The following PTCHD1 variants were observed in gnomAD, a reference collection of about 807,000 sequenced individuals.
The protein encoded by PTCHD1 is patched domain containing 1.
PTCHD1 carries 3 observed loss-of-function variants against 34.6 expected under a neutral mutation model. The observed-to-expected ratio is 0.09, with a 90% CI of 0.04 to 0.22. The LOEUF is 0.22. Ranked by LOEUF, PTCHD1 falls within the 10% of genes least tolerant of loss-of-function variation. PTCHD1 has a pLI of 1.00. For missense variants in PTCHD1, 504 were observed against 685.5 expected (o/e 0.74, Z 2.96); for synonymous variants, 305 against 283.1 (o/e 1.08, Z -0.77).
In PTCHD1 at chrX:23,399,791, T is replaced by G. The variant is rs909134549; in HGVS notation, c.*5606T>G. The G allele has an allele frequency of 8.0e-5, 9 of 112,120 alleles. No individual in the cohort carries two copies. Among genetic ancestry groups the G allele is most frequent in the African/African-American group, 2.9e-4 (9 of 30,847 alleles). The allele number at this position is 112,120 out of a possible 1,213,427, so 9.2% of individuals were successfully genotyped here. A position where few individuals can be genotyped will look rare whatever the true frequency, so the allele number is the denominator to read the frequency against. The stretch of plus-strand genomic sequence containing the variant: ...AAAGGAGCCCTCTGTACTGTGCTCT[T>G]GTTGGCAAGAGGAACACCAGGTTGC... On this transcript the variant is annotated 3_prime_UTR_variant, in exon 3 of 3. Transcript: ENST00000379361.
chrX:23,344,760 T>G (rs1292195614), intron 1 of PTCHD1, among the ~76,000 whole-genome samples: 2 of 111,537 alleles, frequency 1.8e-5, no homozygotes, highest in Admixed American at 1.9e-4. Flanking sequence ...AAAAAAAGCC[T>G]TCACTTCCTG....
In PTCHD1 at chrX:23,394,409, GACAC is replaced by G. The variant is rs34539351; in HGVS notation, c.*263_*266del. ...TGTTATGAGAATTCACACACACATA[GACAC>G]ACACACACACACACACACACACACA... On this transcript the variant is annotated 3_prime_UTR_variant, in exon 3 of 3. Transcript: ENST00000379361. 8.1e-3 allele frequency: 1,607 copies of G among 197,803 alleles called. 5 individuals are homozygous for G. Among genetic ancestry groups the G allele is most frequent in the East Asian group, 0.016 (159 of 9,927 alleles). The allele number at this position is 197,803 out of a possible 1,213,427, so 16.3% of individuals were successfully genotyped here.
At position 23,351,282 on chromosome X, in the gene PTCHD1, C is replaced by G. The variant is rs61746643; in HGVS notation, c.351+16056C>G. 337 of 829,426 alleles carry G rather than the reference C, an allele frequency of 4.1e-4. No individual in the cohort carries two copies. In the African/African-American group the frequency reaches 5.7e-3, roughly 14 times the overall value. The allele number at this position is 829,426 out of a possible 1,213,427, so 68.4% of individuals were successfully genotyped here. On this transcript the variant is annotated intron_variant, in intron 1 of 2. Coordinates refer to ENST00000379361, the MANE Select transcript of PTCHD1 (RefSeq NM_173495.3). ...CCTCAGTTGACTCATTCACTCTGTT[C>G]ACACAAAAGATGTTGGACAACTTAC... is the stretch of plus-strand genomic sequence containing the variant.
At chrX:23,334,569 G>C, upstream of PTCHD1, 1 of 108,102 alleles carries the variant, frequency 9.3e-6, no homozygotes. Context: ...GCCGCGGGGG[G>C]TGGGGAGGGC....
rs761301286 is a variant in PTCHD1, at chrX:23,401,023, T to TTGTGTGTGTGTGTGTGTGTGTGTG, written c.*6850_*6873dup. On this transcript the variant is annotated 3_prime_UTR_variant, in exon 3 of 3. Transcript: ENST00000379361. ...GGTGCCCGCCACCGCGCCCGGCTAATTGTGTGTGTGTGTGTGTGTGTGTGT... is the reference window on the plus strand; with the variant it reads ...GGTGCCCGCCACCGCGCCCGGCTAATTGTGTGTGTGTGTGTGTGTGTGTGTGTGTGTGTGTGTGTGTGTGTGTGT... 7.8e-4 allele frequency: 74 copies of TTGTGTGTGTGTGTGTGTGTGTGTG among 94,477 alleles called. No homozygotes were observed. Among genetic ancestry groups the TTGTGTGTGTGTGTGTGTGTGTGTG allele is most frequent in the African/African-American group, 2.9e-3 (71 of 24,525 alleles). The allele number at this position is 94,477 out of a possible 1,213,427, so 7.8% of individuals were successfully genotyped here.
chrX:23,367,683 G>A (rs1356475876), intron 1 of PTCHD1, among the ~76,000 whole-genome samples: 2 of 111,490 alleles, frequency 1.8e-5, no homozygotes, highest in African/African-American at 6.5e-5. Context: ...AATAGTGGGA[G>A]CATAGGTGTG....
intron 1 of PTCHD1, among the ~76,000 whole-genome samples, chrX:23,373,191 G>T (rs779947581): frequency 2.1e-4 from 24 of 112,857 alleles, no homozygotes; most frequent in Non-Finnish European, 3.7e-4. Flanking sequence ...AGCCAAGCCT[G>T]CAAAGACAAA....
At chrX:23,342,310 A>ATATATTT (rs1921357058) in intron 1 of PTCHD1, among the ~76,000 whole-genome samples, 1 of 12,921 alleles carries the variant, frequency 7.7e-5, no homozygotes, top group Non-Finnish European at 1.1e-4. Context: ...ATATATATAT[A>ATATATTT]TTTTTTTTTT....
At chrX:23,380,738 A>C (rs1922540949) in intron 2 of PTCHD1, among the ~76,000 whole-genome samples, 1 of 111,470 alleles carries the variant, frequency 9.0e-6, no homozygotes, top group East Asian at 2.8e-4. Context: ...CCTGTGGTTC[A>C]GCCCCACAGG....
rs1013617872 is a variant in PTCHD1 at position 23,397,913 on chromosome X, C to G, written c.*3728C>G. The G allele has an allele frequency of 1.8e-5, 2 of 111,566 alleles. No individual in the cohort carries two copies. Among genetic ancestry groups the G allele is most frequent in the African/African-American group, 3.3e-5 (1 of 30,656 alleles). 9.2% of individuals were successfully genotyped at this position (111,566 alleles called of 1,213,427 possible). On this transcript the variant is annotated 3_prime_UTR_variant, in exon 3 of 3. Transcript: ENST00000379361. ...ATTCTTTTGGATCCTATTAAAGTAC[C>G]CCTGTAGCTTATAGTAGTGTTTGAC...
intron 1 of PTCHD1, among the ~76,000 whole-genome samples, chrX:23,368,924 CGTG>C (rs1204787101): frequency 9.0e-6 from 1 of 110,570 alleles, no homozygotes; most frequent in Non-Finnish European, 1.9e-5. Flanking sequence ...ATTACCCAGA[CGTG>C]GTGGTGAGCA....
At chrX:23,383,217 A>G (rs771745240) in intron 2 of PTCHD1, among the ~76,000 whole-genome samples, 5 of 112,622 alleles carry the variant, frequency 4.4e-5, no homozygotes, top group South Asian at 3.7e-4. Context: ...TATGTTATAT[A>G]AATACAATAT....
At chrX:23,355,380 A>G (rs1041258370) in intron 1 of PTCHD1, among the ~76,000 whole-genome samples, 2 of 112,530 alleles carry the variant, frequency 1.8e-5, no homozygotes, top group Non-Finnish European at 3.8e-5. Context: ...CACCATGAAA[A>G]TGTTTCCACC....
rs1159009537 is a variant in PTCHD1 at position 23,404,089 on chromosome X, T to G, written c.*9904T>G. On this transcript the variant is annotated 3_prime_UTR_variant, in exon 3 of 3. Transcript: ENST00000379361. ...ATGCTTGCACATCGAGTTTATACAATGTAGAAGCCCCCAAGTCACCTGGGA... is the reference window on the plus strand; with the variant it reads ...ATGCTTGCACATCGAGTTTATACAAGGTAGAAGCCCCCAAGTCACCTGGGA... 1 of 112,279 alleles carries G rather than the reference T, an allele frequency of 8.9e-6. No individual in the cohort carries two copies. Among genetic ancestry groups the G allele is most frequent in the Non-Finnish European group, 1.9e-5 (1 of 53,297 alleles). 9.3% of individuals were successfully genotyped at this position (112,279 alleles called of 1,213,427 possible).
upstream of PTCHD1, chrX:23,334,702 G>A (rs1270761320): frequency 2.8e-5 from 3 of 106,676 alleles, no homozygotes; most frequent in Admixed American, 2.9e-4. Flanking sequence ...GAGGCGCGGC[G>A]CGGGACTCCC....
chrX:23,346,981 G>T, intron 1 of PTCHD1, among the ~76,000 whole-genome samples: 1 of 111,775 alleles, frequency 8.9e-6, no homozygotes, highest in South Asian at 3.8e-4. Context: ...CTATAAAATG[G>T]GATCAACAAT....
chrX:23,346,442 G>A (rs2146612997), intron 1 of PTCHD1, among the ~76,000 whole-genome samples: 1 of 111,558 alleles, frequency 9.0e-6, no homozygotes, highest in South Asian at 3.8e-4. Flanking sequence ...AAACATCAGG[G>A]GGAAGGGGCA....
At chrX:23,382,659 C>T (rs957372721) in intron 2 of PTCHD1, among the ~76,000 whole-genome samples, 4 of 112,987 alleles carry the variant, frequency 3.5e-5, no homozygotes, top group African/African-American at 1.3e-4. Flanking sequence ...AAAGAGACCA[C>T]GCACCACAGG....
At chrX:23,384,865 C>A (rs949448056) in intron 2 of PTCHD1, among the ~76,000 whole-genome samples, 1 of 111,529 alleles carries the variant, frequency 9.0e-6, no homozygotes, top group African/African-American at 3.3e-5. Flanking sequence ...CATTTTTGAG[C>A]TACAAAAATG....
Sources: gnomAD v4.1 joint callset for allele counts (sites outside exome capture counted in the v4.1 genomes callset) on GRCh38, gnomAD v4.1.1 for gene constraint, MANE v1.5 for transcripts, NCBI Gene and HGNC (gene_info 2026-07-23, HGNC 2026-07-21) for gene names.